AKAP13: variants seen among roughly 807,000 people sequenced by gnomAD.
AKAP13 encodes A-kinase anchor protein 13.
A neutral mutation model predicts 264.5 loss-of-function variants in AKAP13; 80 were observed. The ratio of observed to expected loss-of-function variants is 0.30; its 90% CI spans 0.25 to 0.36. The LOEUF is 0.36. AKAP13 is among the 10% of genes least tolerant of loss of function. AKAP13 has a pLI of 1.00. For synonymous variants in AKAP13, 1,380 were observed against 1,250.2 expected (o/e 1.10, Z -2.19); for missense variants, 3,712 against 3,435.2 (o/e 1.08, Z -2.01).
intron 8 of AKAP13, among the ~76,000 whole-genome samples, chr15:85,638,946 A>G (rs548656047): frequency 6.6e-6 from 1 of 152,092 alleles, no homozygotes; most frequent in South Asian, 2.1e-4. Context: ...TTTAGTAGAG[A>G]TGGGGTTTTG....
At chr15:85,457,361 A>G (rs1338965018) in intron 1 of AKAP13, among the ~76,000 whole-genome samples, 1 of 152,214 alleles carries the variant, frequency 6.6e-6, no homozygotes, top group Admixed American at 6.5e-5. Flanking sequence ...GGAAAACACC[A>G]TCTCGGCTTT....
At chr15:85,392,329 A>G (rs2070905546) in intron 1 of AKAP13, among the ~76,000 whole-genome samples, 1 of 133,578 alleles carries the variant, frequency 7.5e-6, no homozygotes, top group African/African-American at 2.9e-5. Context: ...ATCTCGGCTC[A>G]CTGCAACCTC....
intron 10 of AKAP13, among the ~76,000 whole-genome samples, chr15:85,652,438 CTT>C (rs1041288822): frequency 2.0e-5 from 3 of 152,156 alleles, no homozygotes; most frequent in African/African-American, 7.2e-5. Context: ...TAAATGGAAA[CTT>C]TAACTCAAAA....
chr15:85,448,425 C>A (rs1195853944), intron 1 of AKAP13, among the ~76,000 whole-genome samples: 1 of 152,104 alleles, frequency 6.6e-6, no homozygotes, highest in African/African-American at 2.4e-5. Context: ...GTGTCTTTGT[C>A]ATGAAATCTT....
intron 36 of AKAP13, 168 bp downstream of exon 36, chr15:85,743,993 G>A (rs564438517): frequency 2.7e-6 from 2 of 727,844 alleles, no homozygotes; most frequent in Admixed American, 3.0e-5. Flanking sequence ...CTCATGCAGC[G>A]AACATTAAGA....
intron 8 of AKAP13, among the ~76,000 whole-genome samples, chr15:85,622,876 C>T (rs1225567041): frequency 6.6e-6 from 1 of 152,120 alleles, no homozygotes; most frequent in Non-Finnish European, 1.5e-5. Flanking sequence ...TGTATATTAG[C>T]TTTTATTGAT....
chr15:85,545,280 A>G (rs1203929765), intron 5 of AKAP13, among the ~76,000 whole-genome samples: 3 of 152,244 alleles, frequency 2.0e-5, no homozygotes, highest in Non-Finnish European at 2.9e-5. Context: ...TTAACTCTGC[A>G]TAACTATTGT....
chr15:85,465,340 A>AT (rs2074689904), intron 1 of AKAP13, among the ~76,000 whole-genome samples: 1 of 152,076 alleles, frequency 6.6e-6, no homozygotes, highest in African/African-American at 2.4e-5. Context: ...GATCTTAGTC[A>AT]TTTTTAAAAA....
At chr15:85,547,130 T>C (rs2077780292) in intron 5 of AKAP13, among the ~76,000 whole-genome samples, 2 of 152,240 alleles carry the variant, frequency 1.3e-5, no homozygotes, top group South Asian at 4.1e-4. Context: ...CGGCCTCTTT[T>C]ATTGCCTCTT....
At chr15:85,483,442 A>G (rs1160992056) in intron 1 of AKAP13, among the ~76,000 whole-genome samples, 6 of 151,902 alleles carry the variant, frequency 3.9e-5, no homozygotes, top group Non-Finnish European at 8.8e-5. Context: ...CTGGCTAACA[A>G]GGTGAAACCC....
intron 3 of AKAP13, among the ~76,000 whole-genome samples, chr15:85,531,170 T>G (rs1016605364): frequency 6.6e-6 from 1 of 152,232 alleles, no homozygotes; most frequent in Non-Finnish European, 1.5e-5. Context: ...TAAGTCCTTC[T>G]TAATTGCCAT....
intron 8 of AKAP13, among the ~76,000 whole-genome samples, chr15:85,614,299 T>C (rs543449737): frequency 1.9e-4 from 29 of 152,304 alleles, no homozygotes; most frequent in African/African-American, 7.0e-4. Flanking sequence ...CCAAAAGAAA[T>C]AATGAATGTT....
At chr15:85,719,848 G>T (rs1272381944) in intron 23 of AKAP13, among the ~76,000 whole-genome samples, 1 of 151,852 alleles carries the variant, frequency 6.6e-6, no homozygotes. Context: ...CTGGGAGGCA[G>T]AAGTTGCAGT....
At chr15:85,392,499 C>G (rs559442263) in intron 1 of AKAP13, among the ~76,000 whole-genome samples, 12 of 152,210 alleles carry the variant, frequency 7.9e-5, no homozygotes, top group African/African-American at 2.9e-4. Context: ...GCGATCCACC[C>G]GCCTTGGCCT....
intron 8 of AKAP13, chr15:85,620,216 G>GT: frequency 6.5e-7 from 1 of 1,527,190 alleles, no homozygotes; most frequent in Non-Finnish European, 8.8e-7. Flanking sequence ...TCTGCAGGCT[G>GT]TTTTAGCGCT....
chr15:85,517,896 C>A (rs1192884111), intron 2 of AKAP13, among the ~76,000 whole-genome samples: 2 of 152,144 alleles, frequency 1.3e-5, no homozygotes, highest in Non-Finnish European at 2.9e-5. Context: ...TGGAAAATAT[C>A]TGTGTAAGGG....
chr15:85,619,160 G>A (rs1202809884), intron 8 of AKAP13, among the ~76,000 whole-genome samples: 2 of 152,088 alleles, frequency 1.3e-5, no homozygotes, highest in African/African-American at 4.8e-5. Context: ...GTGGGAGGAG[G>A]AGGAGGAGGA....
intron 8 of AKAP13, among the ~76,000 whole-genome samples, chr15:85,615,446 A>G (rs987729008): frequency 7.9e-5 from 12 of 152,236 alleles, no homozygotes; most frequent in Middle Eastern, 3.4e-3. Context: ...CTTTGCAGCC[A>G]TTGTAAAGTA....
intron 8 of AKAP13, among the ~76,000 whole-genome samples, chr15:85,630,180 C>T (rs1044105059): frequency 4.7e-4 from 35 of 73,720 alleles, no homozygotes; most frequent in Non-Finnish European, 8.4e-4. Context: ...CACACACACA[C>T]ACACACACAC....
Sources: allele counts gnomAD v4.1 joint callset (sites outside exome capture counted in the v4.1 genomes callset), GRCh38; gene constraint gnomAD v4.1.1; transcripts MANE v1.5; gene names NCBI Gene and HGNC (gene_info 2026-07-23, HGNC 2026-07-21).